CHD9: variants seen among roughly 807,000 people sequenced by gnomAD.
The protein encoded by CHD9 is chromodomain helicase DNA binding protein 9.
In CHD9, 77 loss-of-function variants were observed where a neutral mutation model predicts 316.1. That is an observed-to-expected ratio of 0.24 (90% CI 0.20 to 0.29). The LOEUF is 0.29. Ranked by LOEUF, CHD9 falls within the 10% of genes least tolerant of loss-of-function variation. The pLI is 1.00. For missense variants in CHD9, 2,763 were observed against 3,438.1 expected, an observed-to-expected ratio of 0.80 and a Z score of 4.91; for synonymous variants, 1,129 against 1,158.3, an observed-to-expected ratio of 0.97 and a Z score of 0.51.
intron 37 of CHD9, among the ~76,000 whole-genome samples, chr16:53,320,607 T>A (rs910563346): frequency 2.0e-5 from 3 of 152,210 alleles, no homozygotes; most frequent in Non-Finnish European, 4.4e-5. Context: ...ATTTAATCAT[T>A]CAAAGTGGTA....
chr16:53,126,874 T>C (rs1318967997), intron 1 of CHD9, among the ~76,000 whole-genome samples: 1 of 152,094 alleles, frequency 6.6e-6, no homozygotes, highest in Non-Finnish European at 1.5e-5. Flanking sequence ...AGACGGGGTT[T>C]CCCCATATTG....
At chr16:53,075,321 G>A (rs529894056) in intron 1 of CHD9, among the ~76,000 whole-genome samples, 253 of 152,224 alleles carry the variant, frequency 1.7e-3, no homozygotes, top group African/African-American at 5.3e-3. Context: ...AAGAGACTTC[G>A]GAATGTGGAC....
intron 1 of CHD9, among the ~76,000 whole-genome samples, chr16:53,154,462 G>A (rs907172060): frequency 2.0e-5 from 3 of 152,104 alleles, no homozygotes; most frequent in African/African-American, 7.2e-5. Flanking sequence ...TAATATTAAG[G>A]AGCTTTGTGG....
intron 33 of CHD9, 42 bp downstream of exon 33, chr16:53,307,995 G>C: frequency 6.6e-7 from 1 of 1,518,194 alleles, no homozygotes; most frequent in Non-Finnish European, 8.9e-7. Context: ...TTGCGATTGC[G>C]GTGTGCAGCA....
intron 2 of CHD9, among the ~76,000 whole-genome samples, chr16:53,163,585 C>T (rs2042072461): frequency 6.6e-6 from 1 of 152,140 alleles, no homozygotes; most frequent in African/African-American, 2.4e-5. Flanking sequence ...TTTTAACCTT[C>T]CAATGAATAT....
chr16:53,081,776 T>G (rs112098348), intron 1 of CHD9, among the ~76,000 whole-genome samples: 6,871 of 151,800 alleles, frequency 0.045, 288 homozygotes, highest in East Asian at 0.24. Flanking sequence ...TTTTTTTTTG[T>G]AGAGATGGTG....
At chr16:53,182,396 C>T (rs2043603794) in intron 2 of CHD9, among the ~76,000 whole-genome samples, 1 of 152,044 alleles carries the variant, frequency 6.6e-6, no homozygotes, top group Non-Finnish European at 1.5e-5. Flanking sequence ...GGGGGTCTTA[C>T]TATGTTGCCC....
chr16:53,255,899 G>C lies in CHD9; in HGVS notation c.4209+120G>C, dbSNP rs1279816355. 5.6e-6 allele frequency: 5 copies of C among 892,316 alleles called. No homozygotes were observed. The East Asian group carries it at 1.2e-4, about 22-fold the overall frequency. The allele number at this position is 892,316 out of a possible 1,614,324, so 55.3% of individuals were successfully genotyped here. A position where few individuals can be genotyped will look rare whatever the true frequency, so the allele number is the denominator to read the frequency against. On this transcript the variant is annotated intron_variant, in intron 19 of 38. Coordinates refer to ENST00000447540, the MANE Select transcript of CHD9 (RefSeq NM_001308319.2). ...TACTGAATTAGCCAAGATGCAGTAG[G>C]TAATGTATTTTCCTTCATTTTTTTC...
At chr16:53,236,003 G>A (rs940240927) in intron 11 of CHD9, among the ~76,000 whole-genome samples, 11 of 152,090 alleles carry the variant, frequency 7.2e-5, no homozygotes, top group East Asian at 1.9e-4. Context: ...TACTTTTCAC[G>A]TGAGTCTTCT....
At chr16:53,094,115 G>C (rs904285849) in intron 1 of CHD9, among the ~76,000 whole-genome samples, 1 of 152,340 alleles carries the variant, frequency 6.6e-6, no homozygotes, top group South Asian at 2.1e-4. Flanking sequence ...CAGCTCAGCT[G>C]TCTGAGAGCA....
rs1343373560 is a variant in CHD9, at chr16:53,235,268, G to A, written c.2595G>A (p.Leu865=). 11 of 1,548,322 alleles carry A rather than the reference G, an allele frequency of 7.1e-6. 1 individual carries two copies. The change falls in exon 11 of 39, where the codon CTG becomes CTA. Residue 865 remains leucine (L), a synonymous_variant. Transcript: ENST00000447540. ...KNGNQLREYQ[L]EGLNWLLFNW... ...GCAATCAACTCAGGGAATATCAACT[G>A]GAAGGACTCAACTGGCTCTTGTTCA... is the stretch of plus-strand genomic sequence containing the variant.
chr16:53,270,301 C>A (rs2052122508), intron 22 of CHD9, among the ~76,000 whole-genome samples: 1 of 151,180 alleles, frequency 6.6e-6, no homozygotes, highest in Non-Finnish European at 1.5e-5. Flanking sequence ...CTGATTGAAA[C>A]AAATAACCCA....
chr16:53,319,826 T>G (rs1278779406), intron 37 of CHD9: 1 of 1,267,068 alleles, frequency 7.9e-7, no homozygotes, highest in Admixed American at 2.4e-5. Flanking sequence ...TAAGGATTGA[T>G]GAGTTATTAA....
chr16:53,296,741 G>C (rs1158176210), intron 29 of CHD9, among the ~76,000 whole-genome samples: 1 of 151,928 alleles, frequency 6.6e-6, no homozygotes. Flanking sequence ...CACCGCGCCC[G>C]ACCCATTAAA....
intron 19 of CHD9, among the ~76,000 whole-genome samples, chr16:53,261,771 T>G (rs1188881979): frequency 6.6e-6 from 1 of 152,180 alleles, no homozygotes; most frequent in Non-Finnish European, 1.5e-5. Context: ...TCCCACTTTT[T>G]CATACTGTTT....
intron 10 of CHD9, among the ~76,000 whole-genome samples, chr16:53,232,547 G>C (rs1446225411): frequency 6.6e-6 from 1 of 151,936 alleles, no homozygotes; most frequent in African/African-American, 2.4e-5. Flanking sequence ...TTTTTGTTTT[G>C]TTTTGTTTTC....
chr16:53,133,021 C>T (rs1045003451), intron 1 of CHD9, among the ~76,000 whole-genome samples: 4 of 152,028 alleles, frequency 2.6e-5, no homozygotes, highest in African/African-American at 7.2e-5. Context: ...TATAGTTTAC[C>T]ACAAAGTATT....
chr16:53,272,531 C>G (rs1443817415), intron 22 of CHD9, among the ~76,000 whole-genome samples: 1 of 151,844 alleles, frequency 6.6e-6, no homozygotes, highest in Non-Finnish European at 1.5e-5. Context: ...AAATTACAAG[C>G]AAAACAGCTC....
At chr16:53,180,955 G>A (rs62048032) in intron 2 of CHD9, among the ~76,000 whole-genome samples, 42,257 of 151,584 alleles carry the variant, frequency 0.28, 5,983 homozygotes, top group Middle Eastern at 0.32. Context: ...AATTACAGGC[G>A]TGAGCCACCT....
Sources: allele counts gnomAD v4.1 joint callset (sites outside exome capture counted in the v4.1 genomes callset), GRCh38; gene constraint gnomAD v4.1.1; transcripts MANE v1.5; gene names NCBI Gene and HGNC (gene_info 2026-07-23, HGNC 2026-07-21).